The following APPBP2 variants were observed in gnomAD, a reference collection of about 807,000 sequenced individuals.
APPBP2 encodes the protein amyloid protein-binding protein 2.
Under a neutral mutation model 76.0 loss-of-function variants are expected in APPBP2, and 15 were observed. The ratio of observed to expected loss-of-function variants is 0.20; its 90% CI spans 0.13 to 0.30. The LOEUF (loss-of-function observed/expected upper bound fraction) is 0.30. Ranked by LOEUF, APPBP2 falls within the 10% of genes least tolerant of loss-of-function variation. APPBP2 has a pLI of 1.00. For synonymous variants in APPBP2, 222 were observed against 242.2 expected, an observed-to-expected ratio of 0.92 and a Z score of 0.77; for missense variants, 401 against 687.2, an observed-to-expected ratio of 0.58 and a Z score of 4.66.
chr17:60,449,301 G>C (rs1261040702), intron 12 of APPBP2, among the ~76,000 whole-genome samples: 1 of 151,616 alleles, frequency 6.6e-6, no homozygotes, highest in African/African-American at 2.4e-5. Flanking sequence ...GGGAAAAAAA[G>C]AGTCTTTTGG....
chr17:60,501,415 C>G (rs1449544256), intron 1 of APPBP2, among the ~76,000 whole-genome samples: 1 of 152,166 alleles, frequency 6.6e-6, no homozygotes, highest in Non-Finnish European at 1.5e-5. Flanking sequence ...GACAGTCTTG[C>G]TCTGTTGCCC....
intron 4 of APPBP2, among the ~76,000 whole-genome samples, chr17:60,472,569 T>A (rs904857950): frequency 2.6e-5 from 4 of 152,206 alleles, no homozygotes; most frequent in African/African-American, 9.6e-5. Context: ...TAGTCTGGTA[T>A]GGTTTTAATT....
At position 60,443,164 on chromosome 17, in the gene APPBP2, A is replaced by AAC; in HGVS notation, c.*4415_*4416dup. 6.5e-6 allele frequency: 1 copy of AAC among 152,798 alleles called. No individual in the cohort carries two copies. The highest frequency in any genetic ancestry group is 1.5e-5 in the Non-Finnish European group (1 of 68,042). 9.5% of individuals were successfully genotyped at this position (152,798 alleles called of 1,614,324 possible). ...GAAACAGATACACTATGAATGCAGG[A>AAC]ACACTATATTTATTAGGTCAATAAT... On this transcript the variant is annotated 3_prime_UTR_variant, in exon 13 of 13. Transcript: ENST00000083182.
intron 10 of APPBP2, among the ~76,000 whole-genome samples, chr17:60,454,761 T>C (rs1378743081): frequency 6.6e-6 from 1 of 152,224 alleles, no homozygotes; most frequent in Non-Finnish European, 1.5e-5. Flanking sequence ...TTTAATAGAC[T>C]GCTATACTTT....
chr17:60,485,446 C>T (rs933866871), intron 3 of APPBP2, among the ~76,000 whole-genome samples: 30 of 151,978 alleles, frequency 2.0e-4, no homozygotes, highest in African/African-American at 5.8e-4. Context: ...TGTATGTGTC[C>T]GGGCATTTAT....
At position 60,445,289 on chromosome 17, in the gene APPBP2, C is replaced by A. The variant is rs1475101205; in HGVS notation, c.*2292G>T. ...AACTGGCTGCCAATTGACATTATCA[C>A]CCTGTGATCCTAGGCTTCTACATAC... On this transcript the variant is annotated 3_prime_UTR_variant, in exon 13 of 13. Coordinates refer to ENST00000083182, the MANE Select transcript of APPBP2 (RefSeq NM_006380.5). 6.6e-6 allele frequency: 1 copy of A among 152,576 alleles called. No homozygotes were observed. The highest frequency in any genetic ancestry group is 1.5e-5 in the Non-Finnish European group (1 of 68,040). The allele number at this position is 152,576 out of a possible 1,614,324, so 9.5% of individuals were successfully genotyped here.
intron 3 of APPBP2, among the ~76,000 whole-genome samples, chr17:60,482,988 T>C (rs988598598): frequency 6.6e-6 from 1 of 152,210 alleles, no homozygotes; most frequent in Non-Finnish European, 1.5e-5. Flanking sequence ...TAGTTCTAGA[T>C]CCTTGAGGAA....
intron 3 of APPBP2, among the ~76,000 whole-genome samples, chr17:60,484,561 T>G (rs540713149): frequency 6.6e-6 from 1 of 152,320 alleles, no homozygotes; most frequent in Non-Finnish European, 1.5e-5. Flanking sequence ...TTGTGATTTT[T>G]GCACTTTGAT....
rs1447124931 is a variant in APPBP2 at position 60,494,634 on chromosome 17, A to G, written c.228-17T>C. 6.4e-7 allele frequency: 1 copy of G among 1,567,002 alleles called. No homozygotes were observed. Among genetic ancestry groups the G allele is most frequent in the Admixed American group, 2.2e-5 (1 of 45,210 alleles). On this transcript the variant is annotated splice_polypyrimidine_tract_variant and intron_variant, in intron 2 of 12. Coordinates refer to ENST00000083182, the MANE Select transcript of APPBP2 (RefSeq NM_006380.5). ...AGCAAATGTCTGTAAGAAAAGAAAAAGATTATTTTATAGAGTTAATTTATT... is the reference window on the plus strand; with the variant it reads ...AGCAAATGTCTGTAAGAAAAGAAAAGGATTATTTTATAGAGTTAATTTATT...
intron 1 of APPBP2, among the ~76,000 whole-genome samples, chr17:60,520,729 T>G (rs2091003504): frequency 6.6e-6 from 1 of 151,852 alleles, no homozygotes; most frequent in African/African-American, 2.4e-5. Flanking sequence ...ATCATAAACT[T>G]CATTCATTTT....
intron 11 of APPBP2, among the ~76,000 whole-genome samples, chr17:60,452,932 T>C (rs1334736875): frequency 6.6e-6 from 1 of 152,146 alleles, no homozygotes; most frequent in Admixed American, 6.5e-5. Context: ...AGAACCCATA[T>C]TAAAAAATAT....
At chr17:60,489,678 G>A (rs866061763) in intron 3 of APPBP2, among the ~76,000 whole-genome samples, 4 of 151,270 alleles carry the variant, frequency 2.6e-5, no homozygotes, top group Middle Eastern at 6.9e-3. Flanking sequence ...GTATACGCAC[G>A]TGTGTACACT....
intron 4 of APPBP2, among the ~76,000 whole-genome samples, chr17:60,467,317 A>G (rs1441211866): frequency 2.0e-5 from 3 of 152,238 alleles, no homozygotes; most frequent in Non-Finnish European, 4.4e-5. Context: ...AGGAGCATCA[A>G]ATCAACAGAT....
intron 1 of APPBP2, 58 bp from the exon 2 acceptor site, chr17:60,500,545 A>T: frequency 8.5e-7 from 1 of 1,176,882 alleles, no homozygotes; most frequent in Non-Finnish European, 1.2e-6. Flanking sequence ...TTTTTACTTT[A>T]ATCATATTTG....
chr17:60,512,664 G>A (rs986758928), intron 1 of APPBP2, among the ~76,000 whole-genome samples: 3 of 150,880 alleles, frequency 2.0e-5, no homozygotes, highest in Non-Finnish European at 4.4e-5. Context: ...GTGAAACCCC[G>A]TCTCTACTAA....
chr17:60,477,745 A>T (rs2090600894), intron 4 of APPBP2, among the ~76,000 whole-genome samples: 1 of 151,728 alleles, frequency 6.6e-6, no homozygotes, highest in Non-Finnish European at 1.5e-5. Flanking sequence ...TGACATAGAT[A>T]AGCCTTGTAT....
chr17:60,523,054 C>CA (rs1480294702), intron 1 of APPBP2, among the ~76,000 whole-genome samples: 2 of 151,850 alleles, frequency 1.3e-5, no homozygotes, highest in Non-Finnish European at 2.9e-5. Flanking sequence ...TACTGTAGTA[C>CA]ACCAAACAAG....
At chr17:60,485,971 A>G (rs566778746) in intron 3 of APPBP2, among the ~76,000 whole-genome samples, 1 of 152,300 alleles carries the variant, frequency 6.6e-6, no homozygotes, top group African/African-American at 2.4e-5. Flanking sequence ...GTAGTCATTC[A>G]GGAGCAGGCT....
At chr17:60,516,727 T>C (rs896278262) in intron 1 of APPBP2, among the ~76,000 whole-genome samples, 1 of 152,210 alleles carries the variant, frequency 6.6e-6, no homozygotes. Flanking sequence ...GGTTACAGGG[T>C]ATGTTTATGT....
Sources: allele counts gnomAD v4.1 joint callset (sites outside exome capture counted in the v4.1 genomes callset), GRCh38; gene constraint gnomAD v4.1.1; transcripts MANE v1.5; gene names NCBI Gene and HGNC (gene_info 2026-07-23, HGNC 2026-07-21).